The following NALF1 variants were observed in gnomAD, a reference collection of about 807,000 sequenced individuals.
NALF1 encodes family with sequence similarity 155 member A.
Under a neutral mutation model 48.4 loss-of-function variants are expected in NALF1, and 3 were observed. The ratio of observed to expected loss-of-function variants is 0.06; its 90% confidence interval spans 0.03 to 0.16. The LOEUF (loss-of-function observed/expected upper bound fraction) is 0.16. NALF1 is among the 10% of genes least tolerant of loss of function. The pLI is 1.00. For synonymous variants in NALF1, 262 were observed against 245.7 expected (o/e 1.07, Z -0.62); for missense variants, 526 against 571.5 (o/e 0.92, Z 0.81).
intron 1 of NALF1, among the ~76,000 whole-genome samples, chr13:107,536,453 A>C (rs1483183627): frequency 3.3e-5 from 5 of 152,228 alleles, no homozygotes; most frequent in African/African-American, 1.2e-4. Context: ...GAAGACATTT[A>C]TGCAGCCAAA....
chr13:107,543,304 T>G (rs1218274987), intron 1 of NALF1, among the ~76,000 whole-genome samples: 1 of 152,036 alleles, frequency 6.6e-6, no homozygotes, highest in Non-Finnish European at 1.5e-5. Context: ...TTTAGCCCAC[T>G]TTATATAAAA....
intron 1 of NALF1, among the ~76,000 whole-genome samples, chr13:107,309,665 A>G (rs1882007570): frequency 6.6e-6 from 1 of 152,188 alleles, no homozygotes; most frequent in Non-Finnish European, 1.5e-5. Context: ...TTGGTGGTTA[A>G]GACAGAATCA....
intron 1 of NALF1, among the ~76,000 whole-genome samples, chr13:107,383,893 C>T (rs534012966): frequency 4.6e-5 from 7 of 152,272 alleles, no homozygotes; most frequent in African/African-American, 1.4e-4. Context: ...ATTTCTAATG[C>T]ACATTCTTAA....
chr13:107,511,418 T>C (rs1374528660), intron 1 of NALF1, among the ~76,000 whole-genome samples: 1 of 152,004 alleles, frequency 6.6e-6, no homozygotes, highest in Non-Finnish European at 1.5e-5. Flanking sequence ...GCAAAATCTA[T>C]AGAGGAGGAG....
At chr13:107,787,797 G>A (rs983169542) in intron 1 of NALF1, among the ~76,000 whole-genome samples, 2 of 152,154 alleles carry the variant, frequency 1.3e-5, no homozygotes, top group African/African-American at 4.8e-5. Context: ...TAGTATATGT[G>A]CTTGAATAAT....
intron 1 of NALF1, among the ~76,000 whole-genome samples, chr13:107,552,231 T>C: frequency 6.6e-6 from 1 of 152,192 alleles, no homozygotes; most frequent in Middle Eastern, 3.2e-3. Flanking sequence ...CTATCTATTC[T>C]TTTTAGTATA....
chr13:107,564,134 G>A (rs536880237), intron 1 of NALF1, among the ~76,000 whole-genome samples: 5 of 152,180 alleles, frequency 3.3e-5, no homozygotes, highest in African/African-American at 7.2e-5. Flanking sequence ...TGGAGATAAT[G>A]CACCATCCTG....
chr13:107,334,504 C>T (rs766136353), intron 1 of NALF1, among the ~76,000 whole-genome samples: 1 of 152,168 alleles, frequency 6.6e-6, no homozygotes, highest in Non-Finnish European at 1.5e-5. Context: ...GGTTCTTTCA[C>T]CCTCTTAATG....
rs151337732 is a variant in NALF1, at chr13:107,216,070, T to C, written c.916-5315A>G. Among the ~76,000 whole-genome samples the C allele has an allele frequency of 9.7e-3, 1,475 of 152,298 alleles. 19 individuals carry two copies. Among genetic ancestry groups the C allele is most frequent in the African/African-American group, 0.034 (1,399 of 41,548 alleles). On this transcript the variant is annotated intron_variant, in intron 1 of 2. Transcript: ENST00000375915. Reference sequence around the variant, plus strand: ...GAGGCTAAGCAGCTGCTCTCCCTTTTCCCCCACTTATTAGTAAGGACTAAC... The same window carrying C: ...GAGGCTAAGCAGCTGCTCTCCCTTTCCCCCCACTTATTAGTAAGGACTAAC...
rs140653545 is a variant in NALF1 at position 107,359,750 on chromosome 13, G to C, written c.916-148995C>G. Among the ~76,000 whole-genome samples the C allele has an allele frequency of 1.9e-3, 288 of 152,152 alleles. 1 individual carries two copies. The highest frequency in any genetic ancestry group is 6.6e-3 in the African/African-American group (274 of 41,526). On this transcript the variant is annotated intron_variant, in intron 1 of 2. Transcript: ENST00000375915. The stretch of plus-strand genomic sequence containing the variant: ...TTAAGTGGGGTCTAAATCAAAGAGC[G>C]CTTAAGGGCTTCAAAGATTCTGTCT...
intron 1 of NALF1, among the ~76,000 whole-genome samples, chr13:107,309,747 A>C (rs1264933911): frequency 6.6e-6 from 1 of 152,236 alleles, no homozygotes; most frequent in Non-Finnish European, 1.5e-5. Flanking sequence ...ATTGACTATA[A>C]TATAGTTGGA....
intron 1 of NALF1, among the ~76,000 whole-genome samples, chr13:107,529,887 T>C (rs1013874548): frequency 9.2e-5 from 14 of 151,974 alleles, no homozygotes; most frequent in Non-Finnish European, 1.9e-4. Flanking sequence ...CATCCCTTCA[T>C]CTAGTGGCCA....
chr13:107,204,100 A>C (rs1445090602), intron 2 of NALF1, among the ~76,000 whole-genome samples: 1 of 118,440 alleles, frequency 8.4e-6, no homozygotes, highest in Non-Finnish European at 1.8e-5. Context: ...AGCTGGAGGC[A>C]GAGAGGGGCG....
intron 1 of NALF1, among the ~76,000 whole-genome samples, chr13:107,751,601 T>A (rs1024036299): frequency 3.9e-5 from 6 of 152,204 alleles, no homozygotes; most frequent in African/African-American, 1.4e-4. Flanking sequence ...GCTGCATATA[T>A]ACAAATATAT....
chr13:107,688,902 C>T (rs1415179535), intron 1 of NALF1, among the ~76,000 whole-genome samples: 1 of 152,192 alleles, frequency 6.6e-6, no homozygotes, highest in Non-Finnish European at 1.5e-5. Flanking sequence ...CACCAAAGTG[C>T]TGCAGACAAG....
At chr13:107,476,695 G>A (rs563119748) in intron 1 of NALF1, among the ~76,000 whole-genome samples, 276 of 152,064 alleles carry the variant, frequency 1.8e-3, no homozygotes, top group Non-Finnish European at 2.7e-3. Context: ...AACACGTGGA[G>A]CTGCAAATTT....
chr13:107,469,061 G>A (rs1885053885), intron 1 of NALF1, among the ~76,000 whole-genome samples: 1 of 151,766 alleles, frequency 6.6e-6, no homozygotes, highest in South Asian at 2.1e-4. Flanking sequence ...TACTTTTACC[G>A]ATATACTCAC....
At chr13:107,757,003 A>C (rs9520571) in intron 1 of NALF1, among the ~76,000 whole-genome samples, 12,773 of 152,258 alleles carry the variant, frequency 0.084, 670 homozygotes, top group East Asian at 0.18. Context: ...TATTAGCTCA[A>C]GGATACTTTG....
intron 1 of NALF1, among the ~76,000 whole-genome samples, chr13:107,743,352 C>G (rs146368577): frequency 1.3e-5 from 2 of 152,096 alleles, no homozygotes; most frequent in African/African-American, 2.4e-5. Flanking sequence ...GATGAATCAG[C>G]CTGTGACAAG....
Sources: gnomAD v4.1 joint callset for allele counts (sites outside exome capture counted in the v4.1 genomes callset) on GRCh38, gnomAD v4.1.1 for gene constraint, MANE v1.5 for transcripts, NCBI Gene and HGNC (gene_info 2026-07-23, HGNC 2026-07-21) for gene names.